Variants in MYH7 observed in about 807,000 individuals in gnomAD.
The protein encoded by MYH7 is myosin heavy chain 7.
Under a neutral mutation model 225.4 loss-of-function variants are expected in MYH7, and 129 were observed. That is an observed-to-expected ratio of 0.57 (90% confidence interval 0.50 to 0.66). MYH7 has a LOEUF of 0.66. MYH7 is among the 30% of genes least tolerant of loss of function. The pLI is 0.00. For missense variants in MYH7, 1,649 were observed against 2,517.0 expected (o/e 0.66, Z 7.38); for synonymous variants, 971 against 1,007.6 (o/e 0.96, Z 0.69).
chr14:23,419,308 C>A lies in MYH7; in HGVS notation c.3854-13G>T. 1 of 1,614,072 alleles carries A rather than the reference C, an allele frequency of 6.2e-7. No individual in the cohort carries two copies. The highest frequency in any genetic ancestry group is 1.3e-5 in the African/African-American group (1 of 75,034). On this transcript the variant is annotated splice_polypyrimidine_tract_variant and intron_variant, in intron 28 of 39. Transcript: ENST00000355349. ...CGGGACAGCTCACCTGGGGAAGCACCATTCTAGATCAGCACTCCTCTCTAT... is the reference window on the plus strand; with the variant it reads ...CGGGACAGCTCACCTGGGGAAGCACAATTCTAGATCAGCACTCCTCTCTAT...
Position 23,416,399 on chromosome 14 carries a change from G to C in MYH7, c.4645-87C>G, listed in dbSNP as rs1892214855. The stretch of plus-strand genomic sequence containing the variant: ...CCTGCTCACTAATCATGGATACGAA[G>C]TGACTTCAAGAGTGGTGTAAGTGGT... On this transcript the variant is annotated intron_variant, in intron 33 of 39. Coordinates refer to ENST00000355349, the MANE Select transcript of MYH7 (RefSeq NM_000257.4). The C allele has an allele frequency of 2.0e-5, 28 of 1,426,578 alleles. 2 individuals carry two copies. In the South Asian group the frequency reaches 3.4e-4, roughly 17 times the overall value. 88.4% of individuals were successfully genotyped at this position (1,426,578 alleles called of 1,614,324 possible). A position where few individuals can be genotyped will look rare whatever the true frequency, so the allele number is the denominator to read the frequency against.
intron 18 of MYH7, 95 bp from the exon 19 acceptor site, chr14:23,426,176 T>C: frequency 3.6e-6 from 5 of 1,375,816 alleles, no homozygotes; most frequent in Non-Finnish European, 5.1e-6. Context: ...CTTGTAATCT[T>C]AGCAAGTCAG....
chr14:23,428,844 C>G, intron 14 of MYH7, 111 bp downstream of exon 14: 1 of 1,586,782 alleles, frequency 6.3e-7, no homozygotes, highest in Non-Finnish European at 8.6e-7. Flanking sequence ...TGTCACCACA[C>G]AGTCCCCACT....
At position 23,423,977 on chromosome 14, in the gene MYH7, T is replaced by C. The variant is rs1230261713; in HGVS notation, c.2852A>G (p.Lys951Arg). The C allele has an allele frequency of 3.1e-6, 5 of 1,614,250 alleles. No individual in the cohort carries two copies. The highest frequency in any genetic ancestry group is 4.2e-6 in the Non-Finnish European group (5 of 1,180,044). Residue 951 changes from lysine (K) to arginine (R), a missense_variant, in exon 23 of 40, where the codon AAA becomes AGA. Around this residue, in one of 12 missense-constraint regions of MYH7, gnomAD observed 282 missense variants for 315.3 expected, o/e 0.89. Transcript: ENST00000355349. Reference sequence around the variant, plus strand: ...CAGCTCCAGATCATCGATGTCCCTTTTGAGCTCTGAGCACTCATCTTCCAG... The same window carrying C: ...CAGCTCCAGATCATCGATGTCCCTTCTGAGCTCTGAGCACTCATCTTCCAG... The part of the protein sequence containing the change: ...RKLEDECSEL[K>R]RDIDDLELTL...
Position 23,418,656 on chromosome 14 carries a change from G to A in MYH7, c.3973-250C>T, listed in dbSNP as rs10136106. On this transcript the variant is annotated intron_variant, in intron 29 of 39. Coordinates refer to ENST00000355349, the MANE Select transcript of MYH7 (RefSeq NM_000257.4). ...CACACCAGACATGGTCATCATCACC[G>A]CCATTTTACCTGGCTGGGGAGAGGG... Among the ~76,000 whole-genome samples, 21,876 of 152,158 alleles carry A rather than the reference G, an allele frequency of 0.14. 2,271 individuals carry two copies. Among genetic ancestry groups the A allele is most frequent in the African/African-American group, 0.3 (12,428 of 41,464 alleles).
intron 25 of MYH7, chr14:23,421,655 C>T: frequency 1.4e-6 from 1 of 728,990 alleles, no homozygotes; most frequent in Non-Finnish European, 1.7e-6. Context: ...AAAATATGTT[C>T]TGCAAGCTCA....
In MYH7 at chr14:23,419,484, A is replaced by G. The variant is rs45565337; in HGVS notation, c.3852T>C (p.Asn1284=). The part of the protein sequence containing the change: ...TSQRAKLQTE[N]GELSRQLDEK... Reference sequence around the variant, plus strand: ...ATGGAGCCCCTGCTCTAGGCTCACCATTCTCGGTTTGCAACTTGGCCCGCT... The same window carrying G: ...ATGGAGCCCCTGCTCTAGGCTCACCGTTCTCGGTTTGCAACTTGGCCCGCT... Residue 1284 remains asparagine (N), a splice_region_variant and synonymous_variant, in exon 28 of 40, where the codon AAT becomes AAC. Transcript: ENST00000355349. 48 of 1,613,962 alleles carry G rather than the reference A, an allele frequency of 3.0e-5. 1 individual carries two copies. The East Asian group carries it at 1.0e-3, about 35-fold the overall frequency.
chr14:23,422,085 C>T (rs1892493461), intron 25 of MYH7, 95 bp downstream of exon 25: 6 of 1,576,016 alleles, frequency 3.8e-6, no homozygotes, highest in South Asian at 1.1e-5. Flanking sequence ...GTGGAGGCTG[C>T]GTGAGGTTGT....
rs137918672 is a variant in MYH7, at chr14:23,419,547, C to T, written c.3789G>A (p.Ala1263=). Residue 1263 remains alanine, a synonymous_variant, in exon 28 of 40, where the codon GCG becomes GCA. Coordinates refer to ENST00000355349, the MANE Select transcript of MYH7 (RefSeq NM_000257.4). ...EDQMNEHRSK[A]EETQRSVNDL... ...CGTTGACAGAACGCTGGGTCTCCTC[C>T]GCCTTGCTCCGGTGCTCATTCATCT... 2.7e-5 allele frequency: 44 copies of T among 1,613,960 alleles called. No homozygotes were observed. The African/African-American group carries it at 4.1e-4, about 15-fold the overall frequency.
chr14:23,418,897 C>T (rs988638010), intron 29 of MYH7, among the ~76,000 whole-genome samples: 17 of 152,224 alleles, frequency 1.1e-4, no homozygotes, highest in Non-Finnish European at 2.5e-4. Context: ...GTCCCTACAT[C>T]CCCTAGCCGT....
intron 32 of MYH7, 23 bp from the exon 33 acceptor site, chr14:23,417,015 C>T (rs768464497): frequency 1.3e-5 from 21 of 1,614,106 alleles, no homozygotes; most frequent in Non-Finnish European, 1.5e-5. Context: ...CACGGTAACT[C>T]GGTTGAGGGC....
chr14:23,426,657 GGGA>G (rs1409691502), intron 18 of MYH7, 117 bp downstream of exon 18: 4 of 905,736 alleles, frequency 4.4e-6, no homozygotes, highest in Admixed American at 1.9e-5. Context: ...CATGCGGGAT[GGGA>G]GGAGAAGAAT....
In MYH7 at chr14:23,420,147, C is replaced by G. The variant is rs730880774; in HGVS notation, c.3424G>C (p.Glu1142Gln). ...AGCCGCTCGCTGATCTCCTCCAGCT[C>G]CCGAGACAGGTCTGAGCGCAGCTTC... ...VEKLRSDLSR[E>Q]LEEISERLEE... Residue 1142 changes from glutamate (E) to glutamine (Q), a missense_variant, in exon 27 of 40, where the codon GAG (glutamate) becomes CAG (glutamine). By Grantham distance (29) the Glu-to-Gln change is conservative (BLOSUM62 2). Transcript: ENST00000355349. 6.2e-7 allele frequency: 1 copy of G among 1,605,414 alleles called. No individual in the cohort carries two copies. Among genetic ancestry groups the G allele is most frequent in the Admixed American group, 1.7e-5 (1 of 59,602 alleles).
chr14:23,418,288 G>A lies in MYH7; in HGVS notation c.4091C>T (p.Ala1364Val). 1 of 1,613,666 alleles carries A rather than the reference G, an allele frequency of 6.2e-7. No individual in the cohort carries two copies. Among genetic ancestry groups the A allele is most frequent in the Non-Finnish European group, 8.5e-7 (1 of 1,180,044 alleles). Residue 1364 changes from alanine to valine, a missense_variant, in exon 30 of 40, where the codon GCC (alanine) becomes GTC (valine). Physicochemically the swap from Ala to Val is moderately conservative, Grantham distance 64 (BLOSUM62 0). Transcript: ENST00000355349. ...CCTCCACTGGGCCACCTCCGAGTTGGCCTTGGAAAGGACGCGCTGCAGCTC... is the reference window on the plus strand; with the variant it reads ...CCTCCACTGGGCCACCTCCGAGTTGACCTTGGAAAGGACGCGCTGCAGCTC... ...KAELQRVLSK[A>V]NSEVAQWRTK...
rs1043284202 is a variant in MYH7, at chr14:23,413,649, T to C, written c.5790+110A>G. 6.1e-6 allele frequency: 9 copies of C among 1,479,368 alleles called. No homozygotes were observed. In the African/African-American group the frequency reaches 1.1e-4, roughly 18 times the overall value. 91.6% of individuals were successfully genotyped at this position (1,479,368 alleles called of 1,614,324 possible). Reference sequence around the variant, plus strand: ...CATTACCTTGGCCTCTGGGGCCATGTGGCTCAAGTGTGTGGAATAAATGAA... The same window carrying C: ...CATTACCTTGGCCTCTGGGGCCATGCGGCTCAAGTGTGTGGAATAAATGAA... On this transcript the variant is annotated intron_variant, in intron 39 of 39. Coordinates refer to ENST00000355349, the MANE Select transcript of MYH7 (RefSeq NM_000257.4).
At chr14:23,416,437 A>G (rs1267930511) in intron 33 of MYH7, 125 bp from the exon 34 acceptor site, 1 of 1,087,038 alleles carries the variant, frequency 9.2e-7, no homozygotes, top group Non-Finnish European at 1.3e-6. Flanking sequence ...AAAGAAGCAG[A>G]AGGTGGAGGA....
In MYH7 at chr14:23,425,504, C is replaced by T. The variant is rs1006150850; in HGVS notation, c.2287-86G>A. 1 of 1,604,980 alleles carries T rather than the reference C, an allele frequency of 6.2e-7. No homozygotes were observed. Among genetic ancestry groups the T allele is most frequent in the East Asian group, 2.2e-5 (1 of 44,752 alleles). On this transcript the variant is annotated intron_variant, in intron 20 of 39. Transcript: ENST00000355349. This position sits in a 1 kb window ranked among gnomAD's most constrained non-coding sequence, Gnocchi z 4.6. Reference sequence around the variant, plus strand: ...GGATTACCTTAGGAAGGGTAACAGCCTAGAAAAGGATTGCAGGGAGGAGGT... The same window carrying T: ...GGATTACCTTAGGAAGGGTAACAGCTTAGAAAAGGATTGCAGGGAGGAGGT...
At chr14:23,417,855 A>G (rs1892290694) in intron 30 of MYH7, 169 bp from the exon 31 acceptor site, 4 of 1,033,580 alleles carry the variant, frequency 3.9e-6, no homozygotes, top group Non-Finnish European at 6.0e-6. Context: ...GGATCCCAGC[A>G]GGGCGTGGAG....
chr14:23,415,946 A>T lies in MYH7; in HGVS notation c.4953+58T>A, dbSNP rs1892184123. 6.2e-7 allele frequency: 1 copy of T among 1,613,714 alleles called. No individual in the cohort carries two copies. The highest frequency in any genetic ancestry group is 1.1e-5 in the South Asian group (1 of 91,072). ...GGGGCAGGAGGAATCTGGTGCCTGTATCAAGACACTACTGCTTCGCCAGGC... is the reference window on the plus strand; with the variant it reads ...GGGGCAGGAGGAATCTGGTGCCTGTTTCAAGACACTACTGCTTCGCCAGGC... On this transcript the variant is annotated intron_variant, in intron 34 of 39. Coordinates refer to ENST00000355349, the MANE Select transcript of MYH7 (RefSeq NM_000257.4). The surrounding 1 kb of genome is among the most constrained non-coding windows in gnomAD (Gnocchi z 6.3).
Sources: gnomAD v4.1 joint callset for allele counts (sites outside exome capture counted in the v4.1 genomes callset) on GRCh38, gnomAD v4.1.1 for gene constraint, gnomAD v4.1.1 regional missense constraint, Gnocchi (gnomAD v3.1) non-coding constraint, MANE v1.5 for transcripts, NCBI Gene and HGNC (gene_info 2026-07-23, HGNC 2026-07-21) for gene names.